The following FBXL17 variants were observed in gnomAD, a reference collection of about 807,000 sequenced individuals.
FBXL17 encodes F-box and leucine rich repeat protein 17.
FBXL17 carries 22 observed loss-of-function variants against 66.2 expected under a neutral mutation model. That is an observed-to-expected ratio of 0.33 (90% CI 0.24 to 0.47). The LOEUF is 0.47. FBXL17 is among the 20% of genes least tolerant of loss of function. The probability of loss-of-function intolerance (pLI) is 1.00; values close to 1 mark genes in which losing one functional copy is unlikely to be tolerated. For missense variants in FBXL17, 878 were observed against 948.2 expected, an observed-to-expected ratio of 0.93 and a Z score of 0.97; for synonymous variants, 474 against 400.5, an observed-to-expected ratio of 1.18 and a Z score of -2.19.
chr5:107,895,286 G>C (rs1166607757), intron 7 of FBXL17, among the ~76,000 whole-genome samples: 1 of 151,968 alleles, frequency 6.6e-6, no homozygotes, highest in African/African-American at 2.4e-5. Flanking sequence ...TCATGCCTGG[G>C]AAGGAACAAC....
At chr5:108,003,011 A>C (rs974661762) in intron 7 of FBXL17, among the ~76,000 whole-genome samples, 2 of 152,252 alleles carry the variant, frequency 1.3e-5, no homozygotes, top group Non-Finnish European at 2.9e-5. Flanking sequence ...TACTAAAATA[A>C]TTGAAATGTA....
chr5:107,924,548 T>C (rs1337222550), intron 7 of FBXL17, among the ~76,000 whole-genome samples: 2 of 152,212 alleles, frequency 1.3e-5, no homozygotes, highest in Non-Finnish European at 2.9e-5. Flanking sequence ...TAATCCTCTA[T>C]AAAACTTTAA....
intron 4 of FBXL17, among the ~76,000 whole-genome samples, chr5:108,326,692 A>G (rs1024985051): frequency 2.0e-5 from 3 of 152,162 alleles, no homozygotes; most frequent in Non-Finnish European, 4.4e-5. Flanking sequence ...AAGGTACTCA[A>G]TATCATTAGA....
At chr5:108,114,845 A>T (rs1447242292) in intron 6 of FBXL17, among the ~76,000 whole-genome samples, 1 of 152,188 alleles carries the variant, frequency 6.6e-6, no homozygotes, top group East Asian at 1.9e-4. Flanking sequence ...TATTGCTCTC[A>T]AGCTGCTGGA....
intron 5 of FBXL17, among the ~76,000 whole-genome samples, chr5:108,220,627 T>C (rs982808286): frequency 1.3e-5 from 2 of 152,240 alleles, no homozygotes; most frequent in African/African-American, 4.8e-5. Context: ...TTTCTTTTAA[T>C]TCATTGCAGA....
intron 7 of FBXL17, among the ~76,000 whole-genome samples, chr5:107,939,380 C>T (rs1013550682): frequency 6.6e-6 from 1 of 152,036 alleles, no homozygotes. Context: ...AAATAAGTGA[C>T]CTCTTTATTT....
At chr5:108,355,169 A>G (rs1394053560) in intron 3 of FBXL17, among the ~76,000 whole-genome samples, 2 of 152,036 alleles carry the variant, frequency 1.3e-5, no homozygotes, top group Non-Finnish European at 2.9e-5. Flanking sequence ...AATTTCTTCA[A>G]AATAATAATG....
intron 7 of FBXL17, among the ~76,000 whole-genome samples, chr5:107,978,679 T>C (rs1752682783): frequency 6.6e-6 from 1 of 152,176 alleles, no homozygotes; most frequent in Non-Finnish European, 1.5e-5. Flanking sequence ...TATGATTTCA[T>C]TCCCAACCAA....
At chr5:107,880,435 TCATGCTCA>T in intron 8 of FBXL17, 1 of 990,238 alleles carries the variant, frequency 1.0e-6, no homozygotes, top group African/African-American at 1.7e-5. Context: ...TTTCCTAAAC[TCATGCTCA>T]CATCCCTGGC....
At chr5:107,862,166 T>C (rs1748141126) in intron 8 of FBXL17, among the ~76,000 whole-genome samples, 2 of 152,090 alleles carry the variant, frequency 1.3e-5, no homozygotes, top group South Asian at 2.1e-4. Context: ...GAAAATCTAG[T>C]GCTTGGGAGG....
intron 5 of FBXL17, among the ~76,000 whole-genome samples, chr5:108,215,618 A>C (rs1754566131): frequency 6.6e-6 from 1 of 152,198 alleles, no homozygotes; most frequent in South Asian, 2.1e-4. Flanking sequence ...GACACTTACC[A>C]GATATGTGAT....
At chr5:108,214,747 T>C (rs1292340913) in intron 5 of FBXL17, among the ~76,000 whole-genome samples, 1 of 152,184 alleles carries the variant, frequency 6.6e-6, no homozygotes, top group East Asian at 1.9e-4. Context: ...AAAAGTTTTC[T>C]CCTATCTGTT....
intron 6 of FBXL17, among the ~76,000 whole-genome samples, chr5:108,121,943 C>T (rs1750519600): frequency 6.6e-6 from 1 of 152,120 alleles, no homozygotes; most frequent in African/African-American, 2.4e-5. Context: ...GTATTTTTAA[C>T]ATCTACTCCA....
At chr5:108,004,672 T>C (rs1298858463) in intron 7 of FBXL17, among the ~76,000 whole-genome samples, 1 of 152,154 alleles carries the variant, frequency 6.6e-6, no homozygotes, top group Non-Finnish European at 1.5e-5. Flanking sequence ...CTCAGTTTTC[T>C]TCTGAATGAA....
intron 6 of FBXL17, among the ~76,000 whole-genome samples, chr5:108,127,064 A>T (rs1223001881): frequency 6.6e-6 from 1 of 152,156 alleles, no homozygotes; most frequent in Non-Finnish European, 1.5e-5. Context: ...TTTTATTAAC[A>T]TTCTTGTTGT....
At chr5:108,186,015 A>G in intron 6 of FBXL17, 102 bp downstream of exon 6, 4 of 863,858 alleles carry the variant, frequency 4.6e-6, no homozygotes, top group Non-Finnish European at 7.1e-6. Flanking sequence ...GAAAAGGCAC[A>G]GCTGTATTCA....
chr5:107,884,224 A>G (rs1255517971), intron 7 of FBXL17, among the ~76,000 whole-genome samples: 1 of 152,182 alleles, frequency 6.6e-6, no homozygotes, highest in Non-Finnish European at 1.5e-5. Flanking sequence ...AAATGGACTG[A>G]CCACTGTAGG....
Position 108,021,739 on chromosome 5 carries a change from A to G in FBXL17, c.1746-738T>C, listed in dbSNP as rs183701144. ...TGAACTTTAAAAGTAATGATTAACA[A>G]TATTATCCATTTTGTGGCTCAGTTT... On this transcript the variant is annotated intron_variant, in intron 6 of 8. Transcript: ENST00000542267. Among the ~76,000 whole-genome samples, 77 of 152,006 alleles carry G rather than the reference A, an allele frequency of 5.1e-4. No individual in the cohort carries two copies. The East Asian group carries it at 7.5e-3, about 15-fold the overall frequency.
At chr5:107,968,475 T>C (rs1752238603) in intron 7 of FBXL17, among the ~76,000 whole-genome samples, 1 of 152,096 alleles carries the variant, frequency 6.6e-6, no homozygotes, top group African/African-American at 2.4e-5. Context: ...TCTTTTAGAG[T>C]AGACACATCT....
Sources: allele counts gnomAD v4.1 joint callset (sites outside exome capture counted in the v4.1 genomes callset), GRCh38; gene constraint gnomAD v4.1.1; transcripts MANE v1.5; gene names NCBI Gene and HGNC (gene_info 2026-07-23, HGNC 2026-07-21).